The following ULK2 variants were observed in gnomAD, a reference collection of about 807,000 sequenced individuals.
ULK2 encodes serine/threonine-protein kinase ULK2.
A neutral mutation model predicts 127.5 loss-of-function variants in ULK2; 76 were observed. That is an observed-to-expected ratio of 0.60 (90% confidence interval 0.50 to 0.72). The LOEUF is 0.72. Among genes scored for constraint, ULK2 ranks in the 30% least tolerant of loss-of-function variants. The pLI, the probability that ULK2 is intolerant of heterozygous loss-of-function variation, is 0.00. For missense variants in ULK2, 1,144 were observed against 1,295.9 expected, an observed-to-expected ratio of 0.88 and a Z score of 1.80; for synonymous variants, 452 against 461.9, an observed-to-expected ratio of 0.98 and a Z score of 0.28.
intron 14 of ULK2, among the ~76,000 whole-genome samples, 189 bp downstream of exon 14, chr17:19,810,189 C>A (rs1423627977): frequency 6.9e-6 from 1 of 144,132 alleles, no homozygotes; most frequent in East Asian, 2.2e-4. Flanking sequence ...GAGATCACAC[C>A]ATTGCAATCT....
chr17:19,865,391 C>T (rs1461620819), intron 2 of ULK2, among the ~76,000 whole-genome samples: 1 of 152,082 alleles, frequency 6.6e-6, no homozygotes, highest in South Asian at 2.1e-4. Flanking sequence ...CCCCTACTCC[C>T]CCCAAAAAAC....
intron 20 of ULK2, among the ~76,000 whole-genome samples, chr17:19,794,719 TA>T (rs2087227515): frequency 3.2e-5 from 1 of 31,098 alleles, no homozygotes; most frequent in Non-Finnish European, 6.4e-5. Context: ...TAAAAAGTCA[TA>T]GAGAAAAAAA....
chr17:19,827,090 G>A (rs1195435780), intron 10 of ULK2, among the ~76,000 whole-genome samples: 1 of 152,070 alleles, frequency 6.6e-6, no homozygotes, highest in African/African-American at 2.4e-5. Flanking sequence ...TCCCTAATAG[G>A]TATAAATATT....
At chr17:19,845,409 AT>A in intron 6 of ULK2, 32 bp from the exon 7 acceptor site, 2 of 1,544,720 alleles carry the variant, frequency 1.3e-6, no homozygotes. Context: ...AGAAAAGCAA[AT>A]TACGTCTTCG....
At chr17:19,842,424 C>T (rs9899365) in intron 8 of ULK2, among the ~76,000 whole-genome samples, 7,556 of 151,582 alleles carry the variant, frequency 0.05, 529 homozygotes, top group African/African-American at 0.15. Context: ...CTCGAACTCC[C>T]GACCTCAGGT....
At chr17:19,816,114 T>C (rs991359739) in intron 13 of ULK2, among the ~76,000 whole-genome samples, 1 of 152,242 alleles carries the variant, frequency 6.6e-6, no homozygotes, top group African/African-American at 2.4e-5. Flanking sequence ...TGATACAAAC[T>C]GCTGCACATA....
At chr17:19,860,914 T>A (rs1014861228) in intron 3 of ULK2, 2 of 152,036 alleles carry the variant, frequency 1.3e-5, no homozygotes, top group African/African-American at 4.8e-5. Context: ...AGACCCAGGT[T>A]CGATTCCTGG....
intron 11 of ULK2, 48 bp downstream of exon 11, chr17:19,826,091 A>G (rs761225097): frequency 1.8e-6 from 2 of 1,132,480 alleles, no homozygotes; most frequent in Non-Finnish European, 2.4e-6. Flanking sequence ...ATTTTTCCTA[A>G]AGCTTGCATT....
chr17:19,773,080 C>G lies in ULK2; in HGVS notation c.*3269G>C, dbSNP rs1007193486. On this transcript the variant is annotated 3_prime_UTR_variant, in exon 27 of 27. Transcript: ENST00000395544. ...GGAGGCTGAGGCTGGTGTTCAAGACCAGCCTGACCAACATGGTGAAACCCC... is the reference window on the plus strand; with the variant it reads ...GGAGGCTGAGGCTGGTGTTCAAGACGAGCCTGACCAACATGGTGAAACCCC... 2.6e-5 allele frequency: 4 copies of G among 152,198 alleles called. No individual in the cohort carries two copies. The highest frequency in any genetic ancestry group is 4.4e-5 in the Non-Finnish European group (3 of 68,110). 9.4% of individuals were successfully genotyped at this position (152,198 alleles called of 1,614,324 possible).
At chr17:19,795,981 A>G in intron 19 of ULK2, 114 bp downstream of exon 19, 1 of 1,405,428 alleles carries the variant, frequency 7.1e-7, no homozygotes, top group Non-Finnish European at 9.6e-7. Flanking sequence ...ATCAATAACC[A>G]TATGGCATAA....
intron 23 of ULK2, 149 bp downstream of exon 23, chr17:19,781,740 T>C (rs1204701099): frequency 1.1e-6 from 1 of 881,644 alleles, no homozygotes; most frequent in Non-Finnish European, 1.7e-6. Context: ...TCTTGGCTCA[T>C]ATAGTGAAAT....
chr17:19,805,677 A>G (rs2087500265), intron 14 of ULK2, among the ~76,000 whole-genome samples: 1 of 152,180 alleles, frequency 6.6e-6, no homozygotes, highest in Admixed American at 6.5e-5. Flanking sequence ...TTTCTTGGTC[A>G]GTGAGATATA....
chr17:19,839,938 C>A (rs1201607207), intron 9 of ULK2, among the ~76,000 whole-genome samples: 1 of 150,680 alleles, frequency 6.6e-6, no homozygotes, highest in East Asian at 2.0e-4. Flanking sequence ...ACAAAATGCA[C>A]ACATACACAA....
At chr17:19,847,312 C>T (rs2041907141) in intron 5 of ULK2, among the ~76,000 whole-genome samples, 1 of 152,128 alleles carries the variant, frequency 6.6e-6, no homozygotes, top group Admixed American at 6.6e-5. Flanking sequence ...TAATTCCAAC[C>T]ATTATGTGAG....
chr17:19,859,225 T>C (rs1256230918), intron 3 of ULK2, among the ~76,000 whole-genome samples: 3 of 151,322 alleles, frequency 2.0e-5, no homozygotes, highest in South Asian at 4.2e-4. Flanking sequence ...TAAAAAGAAC[T>C]AGTATAGGCT....
chr17:19,794,268 T>C (rs2087217878), intron 20 of ULK2, among the ~76,000 whole-genome samples: 1 of 152,086 alleles, frequency 6.6e-6, no homozygotes, highest in South Asian at 2.1e-4. Flanking sequence ...CAGTAGAGCA[T>C]GAGACTTTTA....
At chr17:19,778,711 T>G (rs972770084) in intron 25 of ULK2, among the ~76,000 whole-genome samples, 1 of 152,200 alleles carries the variant, frequency 6.6e-6, no homozygotes, top group Admixed American at 6.5e-5. Flanking sequence ...TGTCTCAGCC[T>G]CCTGAGTAGC....
intron 1 of ULK2, 124 bp from the exon 2 acceptor site, chr17:19,865,952 T>C: frequency 1.7e-6 from 1 of 601,224 alleles, no homozygotes; most frequent in Non-Finnish European, 3.0e-6. Flanking sequence ...GGAATTATTT[T>C]CAATAATTGG....
Position 19,786,434 on chromosome 17 carries a change from G to T in ULK2, c.2102-348C>A, listed in dbSNP as rs2087033289. Among the ~76,000 whole-genome samples, 3 of 152,124 alleles carry T rather than the reference G, an allele frequency of 2.0e-5. No homozygotes were observed. The South Asian group carries it at 6.2e-4, about 32-fold the overall frequency. ...GGGAATAAAAACAGGTTAAACTAGG[G>T]TAGGTGTGGTGGCTCATGCCTGTAA... On this transcript the variant is annotated intron_variant, in intron 20 of 26. Transcript: ENST00000395544.
Sources: allele counts gnomAD v4.1 joint callset (sites outside exome capture counted in the v4.1 genomes callset), GRCh38; gene constraint gnomAD v4.1.1; transcripts MANE v1.5; gene names NCBI Gene and HGNC (gene_info 2026-07-23, HGNC 2026-07-21).